Variants in NCK2 observed in about 807,000 individuals in gnomAD.
The protein encoded by NCK2 is cytoplasmic protein NCK2.
In NCK2, 16 loss-of-function variants were observed where a neutral mutation model predicts 33.9. The ratio of observed to expected loss-of-function variants is 0.47; its 90% CI spans 0.32 to 0.72. The LOEUF (loss-of-function observed/expected upper bound fraction) is 0.72, where lower values mean the gene tolerates loss of function less well. Ranked by LOEUF, NCK2 falls within the 30% of genes least tolerant of loss-of-function variation. NCK2 has a pLI of 0.03. For synonymous variants in NCK2, 273 were observed against 239.9 expected (o/e 1.14, Z -1.27); for missense variants, 418 against 537.3 (o/e 0.78, Z 2.19).
chr2:105,807,027 A>G (rs1675072486), intron 1 of NCK2, among the ~76,000 whole-genome samples: 1 of 152,164 alleles, frequency 6.6e-6, no homozygotes, highest in Non-Finnish European at 1.5e-5. Flanking sequence ...GAAGAGTCCT[A>G]TTGTGACTTT....
chr2:105,791,513 C>G (rs1355025900), intron 1 of NCK2, among the ~76,000 whole-genome samples: 1 of 152,224 alleles, frequency 6.6e-6, no homozygotes, highest in Non-Finnish European at 1.5e-5. Flanking sequence ...ACTCTTCGCT[C>G]ACTGTCTTTG....
At chr2:105,781,304 G>A (rs1477223847) in intron 1 of NCK2, among the ~76,000 whole-genome samples, 2 of 146,890 alleles carry the variant, frequency 1.4e-5, no homozygotes, top group Non-Finnish European at 3.1e-5. Flanking sequence ...ACACCTCTGT[G>A]CCTTTGCAGG....
chr2:105,801,363 C>T (rs570581860), intron 1 of NCK2, among the ~76,000 whole-genome samples: 1 of 152,148 alleles, frequency 6.6e-6, no homozygotes, highest in Non-Finnish European at 1.5e-5. Context: ...GCTTGCCTCC[C>T]CCCTTCCCCA....
rs1257920122 is a variant in NCK2 at position 105,851,585 on chromosome 2, A to AG, written c.-16-3462dup. On this transcript the variant is annotated intron_variant, in intron 2 of 4. Coordinates refer to ENST00000233154, the MANE Select transcript of NCK2 (RefSeq NM_003581.5). ...GCTGAGCTTTCTAAGGGTCTTGGGAAGTGTGGCTTCCAGTGCTCCAGGAGT... is the reference window on the plus strand; with the variant it reads ...GCTGAGCTTTCTAAGGGTCTTGGGAAGGTGTGGCTTCCAGTGCTCCAGGAGT... 3.3e-5 allele frequency among the ~76,000 whole-genome samples: 5 copies of AG among 152,204 alleles called. No homozygotes were observed. In the East Asian group the frequency reaches 9.6e-4, roughly 29 times the overall value.
intron 2 of NCK2, among the ~76,000 whole-genome samples, chr2:105,842,282 C>T (rs1270117526): frequency 3.3e-5 from 5 of 151,600 alleles, no homozygotes; most frequent in Non-Finnish European, 5.9e-5. Context: ...GACAGGGTTT[C>T]GCCATGTTGG....
intron 1 of NCK2, among the ~76,000 whole-genome samples, chr2:105,784,154 C>T (rs60398425): frequency 1.3e-5 from 2 of 152,282 alleles, no homozygotes; most frequent in East Asian, 1.9e-4. Context: ...CCCAGGCTGG[C>T]GTGCAGTGGC....
intron 3 of NCK2, among the ~76,000 whole-genome samples, chr2:105,867,747 G>A (rs116188069): frequency 3.1e-3 from 466 of 152,322 alleles, no homozygotes; most frequent in African/African-American, 0.011. Flanking sequence ...GCATTTCCCA[G>A]GAACTGGCAT....
At chr2:105,787,728 G>A (rs1690730939) in intron 1 of NCK2, among the ~76,000 whole-genome samples, 2 of 152,158 alleles carry the variant, frequency 1.3e-5, no homozygotes. Flanking sequence ...CCCCATAGGA[G>A]CATCTCCACT....
intron 3 of NCK2, among the ~76,000 whole-genome samples, chr2:105,877,806 G>A (rs867363966): frequency 6.6e-6 from 1 of 152,206 alleles, no homozygotes; most frequent in African/African-American, 2.4e-5. Flanking sequence ...GGAATTTACT[G>A]GGAGTACAGT....
chr2:105,836,051 C>T (rs1259682722), intron 2 of NCK2, among the ~76,000 whole-genome samples: 2 of 136,724 alleles, frequency 1.5e-5, no homozygotes, highest in Non-Finnish European at 3.1e-5. Context: ...TCCATGTTCC[C>T]ATGTATCTCA....
chr2:105,874,307 C>T (rs1327586934), intron 3 of NCK2, among the ~76,000 whole-genome samples: 7 of 152,148 alleles, frequency 4.6e-5, no homozygotes, highest in Admixed American at 4.6e-4. Context: ...CTGAGCTGAA[C>T]GTTAGTTATA....
intron 2 of NCK2, among the ~76,000 whole-genome samples, chr2:105,844,747 GATA>G (rs1205821323): frequency 2.2e-5 from 3 of 133,612 alleles, no homozygotes; most frequent in South Asian, 2.5e-4. Context: ...GGCGGGGGGG[GATA>G]TATATATATA....
At chr2:105,747,824 C>T (rs574376886) in intron 1 of NCK2, among the ~76,000 whole-genome samples, 1 of 152,290 alleles carries the variant, frequency 6.6e-6, no homozygotes, top group South Asian at 2.1e-4. Flanking sequence ...TATCTTGTTC[C>T]ATGCCTGAGT....
chr2:105,842,476 A>G (rs1676685613), intron 2 of NCK2, among the ~76,000 whole-genome samples: 1 of 152,072 alleles, frequency 6.6e-6, no homozygotes, highest in South Asian at 2.1e-4. Flanking sequence ...TAATGAAAAT[A>G]TATACATTAA....
intron 1 of NCK2, among the ~76,000 whole-genome samples, chr2:105,759,567 A>T (rs1187589007): frequency 6.6e-6 from 1 of 152,248 alleles, no homozygotes; most frequent in East Asian, 1.9e-4. Context: ...GAGAATTCTG[A>T]TATAAACTGT....
chr2:105,854,524 C>A (rs6730514), intron 2 of NCK2: 30,173 of 152,818 alleles, frequency 0.2, 3,641 homozygotes, highest in East Asian at 0.32. Context: ...TATTATTATT[C>A]TTAGACTTTA....
chr2:105,746,357 T>C (rs1689288721), intron 1 of NCK2, among the ~76,000 whole-genome samples: 1 of 152,204 alleles, frequency 6.6e-6, no homozygotes, highest in Non-Finnish European at 1.5e-5. Context: ...AGTCCCTTCC[T>C]GGCCCAGGCG....
At chr2:105,770,988 TCTC>T (rs1690117591) in intron 1 of NCK2, among the ~76,000 whole-genome samples, 2 of 152,062 alleles carry the variant, frequency 1.3e-5, no homozygotes, top group Non-Finnish European at 1.5e-5. Flanking sequence ...AGTGGTGCGA[TCTC>T]AGCTCACTGC....
chr2:105,870,887 G>A (rs1677970773), intron 3 of NCK2, among the ~76,000 whole-genome samples: 1 of 152,144 alleles, frequency 6.6e-6, no homozygotes, highest in Non-Finnish European at 1.5e-5. Flanking sequence ...CACCCTAGGA[G>A]CAACATCACT....
Sources: allele counts gnomAD v4.1 joint callset (sites outside exome capture counted in the v4.1 genomes callset), GRCh38; gene constraint gnomAD v4.1.1; transcripts MANE v1.5; gene names NCBI Gene and HGNC (gene_info 2026-07-23, HGNC 2026-07-21).